Variants in GRM7 observed in about 807,000 individuals in gnomAD.
The protein encoded by GRM7 is glutamate metabotropic receptor 7, also known as metabotropic glutamate receptor 7.
A neutral mutation model predicts 84.5 loss-of-function variants in GRM7; 35 were observed. That is an observed-to-expected ratio of 0.41 (90% CI 0.32 to 0.55). GRM7 has a LOEUF of 0.55. Ranked by LOEUF, GRM7 falls within the 20% of genes least tolerant of loss-of-function variation. GRM7 has a pLI of 0.19. For synonymous variants in GRM7, 487 were observed against 455.1 expected (o/e 1.07, Z -0.89); for missense variants, 1,003 against 1,194.6 (o/e 0.84, Z 2.36).
chr3:7,448,916 A>G (rs1453096278), intron 5 of GRM7, among the ~76,000 whole-genome samples: 4 of 152,130 alleles, frequency 2.6e-5, no homozygotes, highest in Non-Finnish European at 5.9e-5. Context: ...ATTTCATAGT[A>G]TATATTTTAT....
intron 4 of GRM7, among the ~76,000 whole-genome samples, chr3:7,408,699 G>A (rs1288799154): frequency 1.3e-5 from 2 of 152,196 alleles, no homozygotes; most frequent in Non-Finnish European, 2.9e-5. Context: ...CTGCGCAAAT[G>A]CTAGCGGGGC....
intron 9 of GRM7, among the ~76,000 whole-genome samples, chr3:7,737,468 C>T (rs9815064): frequency 0.027 from 4,043 of 152,194 alleles, 180 homozygotes; most frequent in African/African-American, 0.092. Flanking sequence ...TGCTTCATTG[C>T]GCAACTATTT....
At chr3:7,049,617 AT>A (rs1696923697) in intron 1 of GRM7, among the ~76,000 whole-genome samples, 1 of 151,982 alleles carries the variant, frequency 6.6e-6, no homozygotes, top group Non-Finnish European at 1.5e-5. Flanking sequence ...TCCACAAAAA[AT>A]AAAAGTAAAA....
chr3:7,504,563 T>C (rs1302841366), intron 7 of GRM7, among the ~76,000 whole-genome samples: 1 of 152,206 alleles, frequency 6.6e-6, no homozygotes, highest in East Asian at 1.9e-4. Context: ...GGTAAGGGCC[T>C]TCTTGCTTGC....
intron 1 of GRM7, among the ~76,000 whole-genome samples, chr3:7,016,689 A>C (rs1391951): frequency 0.47 from 71,226 of 152,084 alleles, 19,670 homozygotes; most frequent in Non-Finnish European, 0.59. Context: ...TAATGGTAGT[A>C]ATAATAAAAT....
chr3:7,660,580 A>G (rs1476301541), intron 8 of GRM7, among the ~76,000 whole-genome samples: 1 of 152,216 alleles, frequency 6.6e-6, no homozygotes, highest in African/African-American at 2.4e-5. Flanking sequence ...AATTCTCCAA[A>G]TTATAATATA....
chr3:7,298,533 G>A (rs1699889837), intron 2 of GRM7, 151 bp from the exon 3 acceptor site: 1 of 624,776 alleles, frequency 1.6e-6, no homozygotes, highest in Non-Finnish European at 2.8e-6. Context: ...TCAGGACTCA[G>A]CATGGTGTCT....
chr3:6,876,750 C>T (rs536598794), intron 1 of GRM7, among the ~76,000 whole-genome samples: 4 of 151,874 alleles, frequency 2.6e-5, no homozygotes, highest in Non-Finnish European at 5.9e-5. Context: ...TATAGGCACC[C>T]GTCACCACGC....
At chr3:7,102,621 T>G (rs1417917878) in intron 1 of GRM7, among the ~76,000 whole-genome samples, 1 of 151,810 alleles carries the variant, frequency 6.6e-6, no homozygotes, top group East Asian at 1.9e-4. Flanking sequence ...ATTTATCTAG[T>G]TTTTCTCCAC....
intron 1 of GRM7, chr3:6,892,663 G>T (rs920544929): frequency 1.3e-5 from 2 of 152,100 alleles, no homozygotes; most frequent in African/African-American, 4.8e-5. Context: ...ATTTGTAGCT[G>T]CCCGTTTTAC....
At chr3:7,599,824 G>C (rs1352741211) in intron 8 of GRM7, among the ~76,000 whole-genome samples, 1 of 152,058 alleles carries the variant, frequency 6.6e-6, no homozygotes, top group Non-Finnish European at 1.5e-5. Flanking sequence ...AGCACAAAAT[G>C]GAACGCTTGG....
chr3:7,363,034 A>C (rs1292632454), intron 4 of GRM7, among the ~76,000 whole-genome samples: 2 of 152,094 alleles, frequency 1.3e-5, no homozygotes, highest in Non-Finnish European at 2.9e-5. Context: ...AGGCAGGATG[A>C]TCTCTTGAGC....
Position 7,579,368 on chromosome 3 carries a change from A to C in GRM7, c.2451+11A>C, listed in dbSNP as rs1185174912. 1 of 1,443,964 alleles carries C rather than the reference A, an allele frequency of 6.9e-7. No homozygotes were observed. Among genetic ancestry groups the C allele is most frequent in the African/African-American group, 1.4e-5 (1 of 70,544 alleles). The allele number at this position is 1,443,964 out of a possible 1,614,324, so 89.4% of individuals were successfully genotyped here. A position where few individuals can be genotyped will look rare whatever the true frequency, so the allele number is the denominator to read the frequency against. On this transcript the variant is annotated intron_variant, in intron 8 of 9. Coordinates refer to ENST00000357716, the MANE Select transcript of GRM7 (RefSeq NM_000844.4). ...CAATCAGCGGAAAAGGTAAGTGAAA[A>C]TGCACATCATAATATGTTTTTTAAA...
intron 1 of GRM7, among the ~76,000 whole-genome samples, chr3:7,051,152 C>G (rs1223912783): frequency 6.6e-6 from 1 of 151,634 alleles, no homozygotes. Flanking sequence ...ATTGAGGAAA[C>G]CAGGATTTAC....
chr3:6,907,411 A>C (rs1161471930), intron 1 of GRM7, among the ~76,000 whole-genome samples: 2 of 152,194 alleles, frequency 1.3e-5, no homozygotes, highest in Non-Finnish European at 2.9e-5. Flanking sequence ...GAACAAGATA[A>C]GTAACAGTCT....
At chr3:6,904,755 C>G (rs1462819123) in intron 1 of GRM7, among the ~76,000 whole-genome samples, 7 of 151,648 alleles carry the variant, frequency 4.6e-5, no homozygotes, top group Non-Finnish European at 1.0e-4. Context: ...AGGTCTCAGT[C>G]TGTTGCCCAG....
At chr3:7,381,129 A>G (rs982391326) in intron 4 of GRM7, among the ~76,000 whole-genome samples, 2 of 152,078 alleles carry the variant, frequency 1.3e-5, no homozygotes. Context: ...TTTGAGTATC[A>G]TCTACTTCCT....
chr3:7,648,063 A>G (rs1698736721), intron 8 of GRM7, among the ~76,000 whole-genome samples: 1 of 152,150 alleles, frequency 6.6e-6, no homozygotes, highest in Non-Finnish European at 1.5e-5. Context: ...AGTGCTCAGT[A>G]GAGGCCCTAG....
chr3:7,736,489 G>A (rs938290578), intron 9 of GRM7, among the ~76,000 whole-genome samples: 1 of 152,124 alleles, frequency 6.6e-6, no homozygotes, highest in African/African-American at 2.4e-5. Context: ...ATCAATGTAA[G>A]TAAATCTTAA....
Sources: gnomAD v4.1 joint callset for allele counts (sites outside exome capture counted in the v4.1 genomes callset) on GRCh38, gnomAD v4.1.1 for gene constraint, MANE v1.5 for transcripts, NCBI Gene and HGNC (gene_info 2026-07-23, HGNC 2026-07-21) for gene names.